ACBD5: variants seen among roughly 807,000 people sequenced by gnomAD.
The protein encoded by ACBD5 is acyl-CoA-binding domain-containing protein 5.
A neutral mutation model predicts 71.8 loss-of-function variants in ACBD5; 40 were observed. The observed-to-expected ratio is 0.56, with a 90% CI of 0.43 to 0.72. ACBD5 has a LOEUF of 0.72. ACBD5 is among the 30% of genes least tolerant of loss of function. ACBD5 has a pLI of 0.00. For missense variants in ACBD5, 559 were observed against 644.5 expected (o/e 0.87, Z 1.44); for synonymous variants, 229 against 218.6 (o/e 1.05, Z -0.42).
intron 5 of ACBD5, among the ~76,000 whole-genome samples, chr10:27,222,573 GT>G (rs11478899): frequency 0.069 from 10,450 of 152,016 alleles, 684 homozygotes; most frequent in African/African-American, 0.17. Flanking sequence ...TTTTTTGTTT[GT>G]TTTTTTCTTT....
chr10:27,215,953 C>G (rs2061575030), intron 7 of ACBD5, among the ~76,000 whole-genome samples: 1 of 152,090 alleles, frequency 6.6e-6, no homozygotes, highest in Non-Finnish European at 1.5e-5. Flanking sequence ...CGGCTCACAG[C>G]AACCTCCGCC....
At chr10:27,220,095 A>T (rs1054847053) in intron 5 of ACBD5, among the ~76,000 whole-genome samples, 4 of 152,196 alleles carry the variant, frequency 2.6e-5, no homozygotes, top group Non-Finnish European at 4.4e-5. Flanking sequence ...GGCAGAGGGT[A>T]AATTATTTTT....
Position 27,235,075 on chromosome 10 carries a change from TC to T in ACBD5, c.302+16del, listed in dbSNP as rs772538274. 6.2e-7 allele frequency: 1 copy of T among 1,612,764 alleles called. No individual in the cohort carries two copies. The highest frequency in any genetic ancestry group is 1.3e-5 in the African/African-American group (1 of 75,000). On this transcript the variant is annotated intron_variant, in intron 3 of 12. Transcript: ENST00000396271. ...ATTAAAATTTAAATTCTTGCATAGC[TC>T]TACACAAAAAATTACCATTTATATC...
At chr10:27,217,119 C>T (rs1346819514) in intron 7 of ACBD5, among the ~76,000 whole-genome samples, 2 of 125,272 alleles carry the variant, frequency 1.6e-5, no homozygotes, top group African/African-American at 6.3e-5. Context: ...GCACTCCACC[C>T]TGGGCGACAG....
chr10:27,184,553 G>GTTTTTT (rs2058535007), intron 13 of ACBD5, among the ~76,000 whole-genome samples: 1 of 74,918 alleles, frequency 1.3e-5, no homozygotes, highest in Non-Finnish European at 2.8e-5. Flanking sequence ...ATATAAGAAG[G>GTTTTTT]ATTTTTTTTT....
intron 13 of ACBD5, among the ~76,000 whole-genome samples, chr10:27,183,537 C>A (rs919851069): frequency 6.6e-6 from 1 of 152,042 alleles, no homozygotes; most frequent in African/African-American, 2.4e-5. Context: ...CCTGCCTCGG[C>A]CTCCCAAAGT....
At chr10:27,224,632 T>C (rs562454583) in intron 4 of ACBD5, among the ~76,000 whole-genome samples, 109 of 152,338 alleles carry the variant, frequency 7.2e-4, no homozygotes, top group African/African-American at 1.9e-3. Flanking sequence ...CAGCCATCAA[T>C]TGGTGACTGA....
Position 27,218,019 on chromosome 10 carries a change from A to G in ACBD5, c.790T>C (p.Leu264=), listed in dbSNP as rs1281184144. The change falls in exon 7 of 13, where the codon TTG becomes CTG. Residue 264 remains leucine (L), a synonymous_variant. Transcript: ENST00000396271. The part of the protein sequence containing the change: ...TEEVKPIDEN[L]GQTGKSAVCI... Reference sequence around the variant, plus strand: ...ACAGCAGATTTTCCAGTTTGCCCCAAGTTTTCATCAATGGGCTTTACTTCT... The same window carrying G: ...ACAGCAGATTTTCCAGTTTGCCCCAGGTTTTCATCAATGGGCTTTACTTCT... 2.5e-6 allele frequency: 4 copies of G among 1,614,166 alleles called. No individual in the cohort carries two copies. The highest frequency in any genetic ancestry group is 1.7e-5 in the Admixed American group (1 of 60,008).
rs1376533141 is a variant in ACBD5, at chr10:27,240,303, G to A, written c.181+16C>T. The A allele has an allele frequency of 6.2e-7, 1 of 1,613,858 alleles. No homozygotes were observed. The highest frequency in any genetic ancestry group is 1.3e-5 in the African/African-American group (1 of 74,866). On this transcript the variant is annotated intron_variant, in intron 2 of 12. Transcript: ENST00000396271. This position sits in a 1 kb window ranked among gnomAD's most constrained non-coding sequence, Gnocchi z 4.1. ...CTCTGCAGGAGGCGTCTACAGCCGG[G>A]GCCCAGCGCACGTACCATTCTTCGG...
At chr10:27,214,195 CAA>C (rs2061395033) in intron 8 of ACBD5, among the ~76,000 whole-genome samples, 1 of 151,956 alleles carries the variant, frequency 6.6e-6, no homozygotes, top group Non-Finnish European at 1.5e-5. Context: ...CTATAGTCGG[CAA>C]TACTTTGTTG....
At chr10:27,206,444 C>T (rs2136892033) in intron 10 of ACBD5, among the ~76,000 whole-genome samples, 1 of 152,184 alleles carries the variant, frequency 6.6e-6, no homozygotes, top group South Asian at 2.1e-4. Context: ...TGGCAAAACT[C>T]TGTTTCTACA....
chr10:27,215,664 A>G, intron 7 of ACBD5, 23 bp from the exon 8 acceptor site: 1 of 1,527,418 alleles, frequency 6.5e-7, no homozygotes, highest in Non-Finnish European at 9.1e-7. Flanking sequence ...AAAAGTGCAG[A>G]TAGGGTAATT....
intron 13 of ACBD5, among the ~76,000 whole-genome samples, chr10:27,185,328 G>T (rs1398722145): frequency 2.0e-5 from 3 of 152,060 alleles, no homozygotes; most frequent in African/African-American, 7.2e-5. Flanking sequence ...CTGAGTCAGG[G>T]ATTCTTTAAC....
At chr10:27,221,111 G>A (rs1410623830) in intron 5 of ACBD5, among the ~76,000 whole-genome samples, 1 of 143,296 alleles carries the variant, frequency 7.0e-6, no homozygotes, top group Non-Finnish European at 1.5e-5. Context: ...AAATTATGGT[G>A]CAGGTCCACA....
At chr10:27,225,077 C>CTTTTTTTT in intron 4 of ACBD5, among the ~76,000 whole-genome samples, 1 of 136,454 alleles carries the variant, frequency 7.3e-6, no homozygotes, top group African/African-American at 2.7e-5. Context: ...CGCTCTCTTT[C>CTTTTTTTT]TTTTTTTTTT....
chr10:27,201,517 C>T (rs2059927611), intron 12 of ACBD5, among the ~76,000 whole-genome samples: 1 of 152,184 alleles, frequency 6.6e-6, no homozygotes, highest in Admixed American at 6.5e-5. Flanking sequence ...AAAAGCTTAT[C>T]ACAGCTTGAG....
chr10:27,192,123 A>G (rs1014579646), downstream of ACBD5, among the ~76,000 whole-genome samples: 1 of 152,158 alleles, frequency 6.6e-6, no homozygotes, highest in Non-Finnish European at 1.5e-5. Context: ...AAATAAAATC[A>G]AAGATGGAAA....
At chr10:27,212,588 T>TTC (rs71893861) in intron 8 of ACBD5, among the ~76,000 whole-genome samples, 10,440 of 151,536 alleles carry the variant, frequency 0.069, 701 homozygotes, top group African/African-American at 0.17. Flanking sequence ...GCTTTTTTTT[T>TTC]TTTTTTTTGA....
rs1187966769 is a variant in ACBD5, at chr10:27,217,346, C to T, written c.829+634G>A. The stretch of plus-strand genomic sequence containing the variant: ...TGGCACGTGCCTGTTATCCCAGCTA[C>T]TGGGGAGGCTGAGGCAGGAGAATTG... On this transcript the variant is annotated intron_variant, in intron 7 of 12. Coordinates refer to ENST00000396271, the MANE Select transcript of ACBD5 (RefSeq NM_145698.5). Among the ~76,000 whole-genome samples the T allele has an allele frequency of 2.0e-5, 3 of 151,048 alleles. No homozygotes were observed. In the Admixed American group the frequency reaches 2.0e-4, roughly 10 times the overall value.
Sources: allele counts gnomAD v4.1 joint callset (sites outside exome capture counted in the v4.1 genomes callset), GRCh38; gene constraint gnomAD v4.1.1; non-coding constraint Gnocchi (gnomAD v3.1); transcripts MANE v1.5; gene names NCBI Gene and HGNC (gene_info 2026-07-23, HGNC 2026-07-21).